The following MYO7B variants were observed in gnomAD, a reference collection of about 807,000 sequenced individuals.
The protein encoded by MYO7B is unconventional myosin-VIIb.
In MYO7B, 212 loss-of-function variants were observed where a neutral mutation model predicts 259.7. That is an observed-to-expected ratio of 0.82 (90% CI 0.73 to 0.91). MYO7B has a LOEUF of 0.91. Among genes scored for constraint, MYO7B ranks in the 40% least tolerant of loss-of-function variants. The pLI is 0.00. For synonymous variants in MYO7B, 1,197 were observed against 1,166.4 expected, an observed-to-expected ratio of 1.03 and a Z score of -0.54; for missense variants, 2,732 against 2,813.5, an observed-to-expected ratio of 0.97 and a Z score of 0.66.
At position 127,539,840 on chromosome 2, in the gene MYO7B, T is replaced by G. The variant is rs1482473540; in HGVS notation, c.-24+4009T>G. Among the ~76,000 whole-genome samples the G allele has an allele frequency of 6.6e-6, 1 of 152,164 alleles. No individual in the cohort carries two copies. The highest frequency in any genetic ancestry group is 1.5e-5 in the Non-Finnish European group (1 of 68,020). ...TTTGTTGCTCACCCAGCTCCAGCCT[T>G]CCCCCGAAAGTCCCCAAAGTCCATT... On this transcript the variant is annotated intron_variant, in intron 1 of 47. Coordinates refer to ENST00000409816, the MANE Select transcript of MYO7B (RefSeq NM_001393586.1). The surrounding 1 kb of genome is among the most constrained non-coding windows in gnomAD (Gnocchi z 4.0).
At chr2:127,549,168 CTT>C (rs869154173) in intron 1 of MYO7B, among the ~76,000 whole-genome samples, 5 of 6,446 alleles carry the variant, frequency 7.8e-4, no homozygotes, top group African/African-American at 3.5e-3. Flanking sequence ...TCCTTCCTTT[CTT>C]TCTTTCTTTC....
chr2:127,537,779 G>A (rs1436467755), intron 1 of MYO7B, among the ~76,000 whole-genome samples: 1 of 152,162 alleles, frequency 6.6e-6, no homozygotes, highest in Non-Finnish European at 1.5e-5. Context: ...TGAGCTCCTC[G>A]AGAGCCTGGG....
At chr2:127,625,625 C>T in intron 31 of MYO7B, 90 bp downstream of exon 31, 2 of 1,279,340 alleles carry the variant, frequency 1.6e-6, no homozygotes, top group African/African-American at 1.5e-5. Flanking sequence ...TGGATTCCCT[C>T]CCCACAACCC....
Position 127,577,323 on chromosome 2 carries a change from C to T in MYO7B, c.849+615C>T, listed in dbSNP as rs534304542. ...CCTTCACCAGCCCCTGCCTAGACTT[C>T]ATGGGTCCCCCATCGCCAGTCTTGA... On this transcript the variant is annotated intron_variant, in intron 8 of 47. Coordinates refer to ENST00000409816, the MANE Select transcript of MYO7B (RefSeq NM_001393586.1). The surrounding 1 kb of genome is among the most constrained non-coding windows in gnomAD (Gnocchi z 5.2). 3.9e-5 allele frequency among the ~76,000 whole-genome samples: 6 copies of T among 152,316 alleles called. No homozygotes were observed. Among genetic ancestry groups the T allele is most frequent in the African/African-American group, 1.2e-4 (5 of 41,560 alleles).
intron 2 of MYO7B, among the ~76,000 whole-genome samples, chr2:127,562,351 C>G (rs184355026): frequency 1.3e-5 from 2 of 152,182 alleles, no homozygotes; most frequent in East Asian, 3.9e-4. Context: ...AGCTGGAGTG[C>G]AGTGGCACGA....
In MYO7B at chr2:127,585,668, GCGGCTGTATGATTTTACAT is replaced by G. The variant is rs1679275679; in HGVS notation, c.1690+756_1690+774del. ...AGGAACCACCAGACTGTTTTCCAAA[GCGGCTGTATGATTTTACAT>G]TCCCACTAGCAATGTATGAGGACTC... On this transcript the variant is annotated intron_variant, in intron 14 of 47. Coordinates refer to ENST00000409816, the MANE Select transcript of MYO7B (RefSeq NM_001393586.1). This position sits in a 1 kb window ranked among gnomAD's most constrained non-coding sequence, Gnocchi z 4.3. 6.6e-6 allele frequency among the ~76,000 whole-genome samples: 1 copy of G among 152,194 alleles called. No individual in the cohort carries two copies. The highest frequency in any genetic ancestry group is 2.1e-4 in the South Asian group (1 of 4,834).
chr2:127,582,797 G>C (rs780023824), intron 12 of MYO7B, among the ~76,000 whole-genome samples: 1 of 152,222 alleles, frequency 6.6e-6, no homozygotes, highest in African/African-American at 2.4e-5. Flanking sequence ...TTTAGGTAGT[G>C]GGGGAAGCTA....
At position 127,596,505 on chromosome 2, in the gene MYO7B, T is replaced by C; in HGVS notation, c.2288T>C (p.Leu763Pro). The change falls in exon 19 of 48, where the codon CTA becomes CCA. Residue 763 changes from leucine to proline, a missense_variant. Around this residue, in one of 3 missense-constraint regions of MYO7B, gnomAD observed 1,906 missense variants for 2,026.4 expected, o/e 0.94. Transcript: ENST00000409816. Reference protein sequence around the residue: ...TLLEVQRSQVLDRAALSIQKV... With the variant: ...TLLEVQRSQVPDRAALSIQKV... ...CTGGAGGTACAGAGAAGCCAGGTGC[T>C]AGACAGAGCGGCGCTCAGCATCCAG... 2.5e-6 allele frequency: 4 copies of C among 1,613,744 alleles called. No homozygotes were observed. The highest frequency in any genetic ancestry group is 3.4e-6 in the Non-Finnish European group (4 of 1,179,808).
chr2:127,584,117 C>T lies in MYO7B; in HGVS notation c.1344-5C>T, dbSNP rs1174568580. The T allele has an allele frequency of 6.2e-7, 1 of 1,610,460 alleles. No homozygotes were observed. The highest frequency in any genetic ancestry group is 8.5e-7 in the Non-Finnish European group (1 of 1,178,342). On this transcript the variant is annotated splice_polypyrimidine_tract_variant and splice_region_variant and intron_variant, in intron 12 of 47. Coordinates refer to ENST00000409816, the MANE Select transcript of MYO7B (RefSeq NM_001393586.1). This position sits in a 1 kb window ranked among gnomAD's most constrained non-coding sequence, Gnocchi z 5.8. ...CACCCCTGGGCAGTGACCTTGCCTC[C>T]ACAGCTTCGAGCAGCTCTGCATCAA...
chr2:127,593,432 G>A (rs560281052), intron 17 of MYO7B, 114 bp from the exon 18 acceptor site: 3 of 1,043,638 alleles, frequency 2.9e-6, no homozygotes, highest in Non-Finnish European at 4.2e-6. Flanking sequence ...GCGGGGGTGG[G>A]CGGCAGCCCC....
At chr2:127,552,021 G>C (rs1693463359) in intron 1 of MYO7B, among the ~76,000 whole-genome samples, 1 of 152,202 alleles carries the variant, frequency 6.6e-6, no homozygotes, top group African/African-American at 2.4e-5. Flanking sequence ...TGCAAGGAGA[G>C]ATCAGGAATC....
At position 127,582,287 on chromosome 2, in the gene MYO7B, C is replaced by A. The variant is rs200905380; in HGVS notation, c.1201-17C>A. ...AGCCTCCAAGCCCAGGATTCTCCCA[C>A]CCCCGTGTCTCTCCAGGGCATCTAT... On this transcript the variant is annotated splice_polypyrimidine_tract_variant and intron_variant, in intron 11 of 47. Transcript: ENST00000409816. 5.6e-6 allele frequency: 9 copies of A among 1,611,762 alleles called. No homozygotes were observed. The South Asian group carries it at 1.0e-4, about 18-fold the overall frequency.
intron 2 of MYO7B, among the ~76,000 whole-genome samples, chr2:127,561,252 G>A (rs1269128392): frequency 6.6e-6 from 1 of 151,948 alleles, no homozygotes; most frequent in Non-Finnish European, 1.5e-5. Context: ...GAGATTGTAA[G>A]TCTTTGAGAG....
Position 127,585,015 on chromosome 2 carries a change from C to A in MYO7B, c.1690+102C>A. On this transcript the variant is annotated intron_variant, in intron 14 of 47. Transcript: ENST00000409816. The surrounding 1 kb of genome is among the most constrained non-coding windows in gnomAD (Gnocchi z 4.3). ...GGATGAGGCTATTTTGCAGCTCTAG[C>A]AATGGGGCAGAGGGATGAGTAGTAT... The A allele has an allele frequency of 6.9e-7, 1 of 1,459,414 alleles. No individual in the cohort carries two copies. 90.4% of individuals were successfully genotyped at this position (1,459,414 alleles called of 1,614,324 possible). A position where few individuals can be genotyped will look rare whatever the true frequency, so the allele number is the denominator to read the frequency against.
rs1678868064 is a variant in MYO7B at position 127,576,446 on chromosome 2, A to G, written c.736-149A>G. 5.9e-6 allele frequency: 3 copies of G among 508,890 alleles called. No homozygotes were observed. Among genetic ancestry groups the G allele is most frequent in the Admixed American group, 7.5e-5 (2 of 26,548 alleles). 31.5% of individuals were successfully genotyped at this position (508,890 alleles called of 1,614,324 possible). On this transcript the variant is annotated intron_variant, in intron 7 of 47. Transcript: ENST00000409816. The surrounding 1 kb of genome is among the most constrained non-coding windows in gnomAD (Gnocchi z 4.9). ...CCGGGACAGGGACAGCAACCAAGCC[A>G]GGCTGGCCCTGGGTCAGTGCCAGAG...
intron 35 of MYO7B, 27 bp from the exon 36 acceptor site, chr2:127,630,751 G>A: frequency 6.2e-7 from 1 of 1,609,588 alleles, no homozygotes. Context: ...TGGCTCCTGG[G>A]CACCCACAGG....
At position 127,601,253 on chromosome 2, in the gene MYO7B, G is replaced by A. The variant is rs1399064677; in HGVS notation, c.2340-4591G>A. Among the ~76,000 whole-genome samples, 4 of 152,134 alleles carry A rather than the reference G, an allele frequency of 2.6e-5. No individual in the cohort carries two copies. The East Asian group carries it at 7.7e-4, about 29-fold the overall frequency. The stretch of plus-strand genomic sequence containing the variant: ...ATGGCCCAAAATATGTCCTCTCTTG[G>A]TATATATTCTAAGAGCACTTGGAAA... On this transcript the variant is annotated intron_variant, in intron 19 of 47. Coordinates refer to ENST00000409816, the MANE Select transcript of MYO7B (RefSeq NM_001393586.1).
intron 12 of MYO7B, among the ~76,000 whole-genome samples, chr2:127,582,874 C>T (rs1363481067): frequency 2.6e-5 from 4 of 152,198 alleles, no homozygotes; most frequent in African/African-American, 7.2e-5. Context: ...CTCCTCTGAC[C>T]GGGCATCCCA....
At position 127,631,213 on chromosome 2, in the gene MYO7B, GAGA is replaced by G. The variant is rs1467713854; in HGVS notation, c.4948_4950del (p.Lys1650del). 3.7e-6 allele frequency: 6 copies of G among 1,600,582 alleles called. No homozygotes were observed. Among genetic ancestry groups the G allele is most frequent in the Non-Finnish European group, 5.1e-6 (6 of 1,170,872 alleles). ...CAGCCTCTAACCTCACAGGGCTCCA[GAGA>G]AGGACATGGTGAGCATGGCCGTGCT... On this transcript the variant is annotated inframe_deletion, in exon 37 of 48. Coordinates refer to ENST00000409816, the MANE Select transcript of MYO7B (RefSeq NM_001393586.1).
Sources: gnomAD v4.1 joint callset for allele counts (sites outside exome capture counted in the v4.1 genomes callset) on GRCh38, gnomAD v4.1.1 for gene constraint, gnomAD v4.1.1 regional missense constraint, Gnocchi (gnomAD v3.1) non-coding constraint, MANE v1.5 for transcripts, NCBI Gene and HGNC (gene_info 2026-07-23, HGNC 2026-07-21) for gene names.